NEGR1: variants seen among roughly 807,000 people sequenced by gnomAD.
The protein encoded by NEGR1 is IgLON family member 4.
NEGR1 carries 10 observed loss-of-function variants against 40.9 expected under a neutral mutation model. The ratio of observed to expected loss-of-function variants is 0.24; its 90% CI spans 0.15 to 0.42. The LOEUF (loss-of-function observed/expected upper bound fraction) is 0.42. Ranked by LOEUF, NEGR1 falls within the 10% of genes least tolerant of loss-of-function variation. NEGR1 has a pLI of 1.00. For missense variants in NEGR1, 352 were observed against 438.9 expected, an observed-to-expected ratio of 0.80 and a Z score of 1.77; for synonymous variants, 185 against 166.8, an observed-to-expected ratio of 1.11 and a Z score of -0.84.
chr1:71,666,909 T>C (rs1652262830), intron 4 of NEGR1, among the ~76,000 whole-genome samples: 1 of 152,182 alleles, frequency 6.6e-6, no homozygotes, highest in Non-Finnish European at 1.5e-5. Context: ...GTCAGAAAAA[T>C]GTCTCATGAC....
chr1:71,803,433 G>C (rs1657634163), intron 2 of NEGR1, among the ~76,000 whole-genome samples: 1 of 152,118 alleles, frequency 6.6e-6, no homozygotes, highest in Non-Finnish European at 1.5e-5. Flanking sequence ...ATCACACTCA[G>C]AGCCAGGGGT....
At chr1:72,007,605 T>C in intron 1 of NEGR1, among the ~76,000 whole-genome samples, 1 of 152,056 alleles carries the variant, frequency 6.6e-6, no homozygotes, top group South Asian at 2.1e-4. Flanking sequence ...CTGGAAAGAG[T>C]ACGAAGAAAA....
intron 2 of NEGR1, among the ~76,000 whole-genome samples, chr1:71,789,563 A>T (rs1392597331): frequency 6.6e-6 from 1 of 152,136 alleles, no homozygotes; most frequent in Non-Finnish European, 1.5e-5. Context: ...TTACATAAGG[A>T]ACACTAACAT....
chr1:71,932,298 G>T (rs1227682203), intron 2 of NEGR1, among the ~76,000 whole-genome samples: 4 of 150,062 alleles, frequency 2.7e-5, no homozygotes, highest in African/African-American at 7.3e-5. Flanking sequence ...TATTTGTTTT[G>T]TTTTTTTTTG....
intron 6 of NEGR1, among the ~76,000 whole-genome samples, chr1:71,495,806 G>C (rs1282320811): frequency 1.3e-5 from 2 of 152,096 alleles, no homozygotes; most frequent in African/African-American, 4.8e-5. Flanking sequence ...CTGGCAAGAA[G>C]GCATCAATCA....
chr1:72,263,798 C>T lies in NEGR1; in HGVS notation c.176+18521G>A, dbSNP rs1044105243. Among the ~76,000 whole-genome samples, 21 of 151,228 alleles carry T rather than the reference C, an allele frequency of 1.4e-4. No homozygotes were observed. In the East Asian group the frequency reaches 4.1e-3, roughly 29 times the overall value. On this transcript the variant is annotated intron_variant, in intron 1 of 6. Coordinates refer to ENST00000357731, the MANE Select transcript of NEGR1 (RefSeq NM_173808.3). ...GTCCCAAATTAAGTGAAGTGATAAA[C>T]AAACAAAAAAAATTAAAAATGACAA...
chr1:71,824,485 T>C (rs1012653116), intron 2 of NEGR1, among the ~76,000 whole-genome samples: 1 of 151,906 alleles, frequency 6.6e-6, no homozygotes, highest in African/African-American at 2.4e-5. Flanking sequence ...TTTTCTCTTT[T>C]GCAAATGGAG....
intron 3 of NEGR1, among the ~76,000 whole-genome samples, chr1:71,753,248 A>C (rs957772164): frequency 6.6e-6 from 1 of 152,206 alleles, no homozygotes; most frequent in Non-Finnish European, 1.5e-5. Flanking sequence ...TACCAAGGAT[A>C]GTGAAAGAAG....
intron 6 of NEGR1, among the ~76,000 whole-genome samples, chr1:71,557,913 A>T (rs1257320657): frequency 6.6e-6 from 1 of 151,462 alleles, no homozygotes; most frequent in East Asian, 2.0e-4. Context: ...ATGTTTCTTC[A>T]GTGTCTTTCA....
intron 4 of NEGR1, among the ~76,000 whole-genome samples, chr1:71,645,961 T>A (rs1029277575): frequency 2.0e-4 from 30 of 151,834 alleles, no homozygotes; most frequent in African/African-American, 6.7e-4. Flanking sequence ...AATAATTACA[T>A]CTCAGAATTT....
intron 6 of NEGR1, among the ~76,000 whole-genome samples, chr1:71,491,462 T>C (rs1646927029): frequency 1.3e-5 from 2 of 151,796 alleles, no homozygotes; most frequent in South Asian, 4.1e-4. Flanking sequence ...GGGCTAAAGA[T>C]GAAAATAATG....
At chr1:71,430,776 G>A (rs1205716692) in intron 6 of NEGR1, among the ~76,000 whole-genome samples, 1 of 134,554 alleles carries the variant, frequency 7.4e-6, no homozygotes, top group Admixed American at 8.9e-5. Context: ...GCGCGATCTC[G>A]GCTCACTGCA....
intron 1 of NEGR1, among the ~76,000 whole-genome samples, chr1:71,973,640 T>A (rs1262002659): frequency 2.6e-5 from 4 of 152,222 alleles, no homozygotes; most frequent in Admixed American, 1.3e-4. Flanking sequence ...TAAAATTATA[T>A]CATCTCTTTT....
chr1:71,804,483 G>A (rs1657680008), intron 2 of NEGR1, among the ~76,000 whole-genome samples: 1 of 152,214 alleles, frequency 6.6e-6, no homozygotes, highest in African/African-American at 2.4e-5. Context: ...CCCGAATGGA[G>A]GAACTGGCTG....
chr1:71,511,834 A>G (rs2101416796), intron 6 of NEGR1, among the ~76,000 whole-genome samples: 1 of 152,342 alleles, frequency 6.6e-6, no homozygotes, highest in Non-Finnish European at 1.5e-5. Flanking sequence ...TGTATTGAGA[A>G]AACATAATGA....
intron 1 of NEGR1, among the ~76,000 whole-genome samples, chr1:72,167,461 CTT>C (rs1251687325): frequency 6.6e-6 from 1 of 151,838 alleles, no homozygotes; most frequent in Non-Finnish European, 1.5e-5. Flanking sequence ...CTTTTATAAA[CTT>C]AATAAAATAC....
chr1:72,062,049 G>C (rs1439823861), intron 1 of NEGR1, among the ~76,000 whole-genome samples: 2 of 151,734 alleles, frequency 1.3e-5, no homozygotes, highest in African/African-American at 4.8e-5. Flanking sequence ...GCACTTTATT[G>C]CATCAGGAAT....
intron 1 of NEGR1, among the ~76,000 whole-genome samples, chr1:72,080,551 T>A (rs1011952251): frequency 2.0e-5 from 3 of 152,106 alleles, no homozygotes; most frequent in Non-Finnish European, 4.4e-5. Flanking sequence ...AAAAGTATAG[T>A]GAATTATGCA....
chr1:71,571,405 T>A (rs552196503), intron 6 of NEGR1, among the ~76,000 whole-genome samples: 184 of 152,348 alleles, frequency 1.2e-3, no homozygotes, highest in African/African-American at 4.3e-3. Context: ...GTTTTCTATA[T>A]GATTGACCAA....
Sources: gnomAD v4.1 joint callset for allele counts (sites outside exome capture counted in the v4.1 genomes callset) on GRCh38, gnomAD v4.1.1 for gene constraint, MANE v1.5 for transcripts, NCBI Gene and HGNC (gene_info 2026-07-23, HGNC 2026-07-21) for gene names.